Variants in DRC11 observed in about 807,000 individuals in gnomAD.
DRC11 encodes IQ and AAA domain-containing protein 1.
chr2:236,452,384 T>A, the DRC11 span, among the ~76,000 whole-genome samples: 175 of 152,308 alleles, frequency 1.1e-3, no homozygotes, highest in Non-Finnish European at 2.2e-3. The surrounding 1 kb of genome is among the most constrained non-coding windows in gnomAD (Gnocchi z 4.7). Flanking sequence ...TTTCATCAAG[T>A]ATGAAAAATA....
At chr2:236,476,030 T>G in the DRC11 span, among the ~76,000 whole-genome samples, 1 of 152,238 alleles carries the variant, frequency 6.6e-6, no homozygotes. This position sits in a 1 kb window ranked among gnomAD's most constrained non-coding sequence, Gnocchi z 4.7. Flanking sequence ...CTTTGTTCTT[T>G]TTGCTCAGGA....
chr2:236,358,148 GATATATACTATATGAATATATAAT>G, the DRC11 span, among the ~76,000 whole-genome samples: 1 of 118,486 alleles, frequency 8.4e-6, no homozygotes, highest in Non-Finnish European at 1.6e-5. Context: ...TATATAAATA[GATATATACTATATGAATATATAAT>G]ATATATACTC....
the DRC11 span, among the ~76,000 whole-genome samples, chr2:236,308,061 G>A: frequency 2.6e-5 from 4 of 151,856 alleles, no homozygotes; most frequent in African/African-American, 4.9e-5. This position sits in a 1 kb window ranked among gnomAD's most constrained non-coding sequence, Gnocchi z 6.0. Flanking sequence ...TTGCAGTGAC[G>A]CAGGCGTCCT....
chr2:236,481,919 C>T, the DRC11 span, among the ~76,000 whole-genome samples: 3 of 148,250 alleles, frequency 2.0e-5, no homozygotes, highest in Non-Finnish European at 3.0e-5. Context: ...TATAATTCTA[C>T]ATATTATATG....
chr2:236,388,632 T>G, the DRC11 span, among the ~76,000 whole-genome samples: 1 of 148,890 alleles, frequency 6.7e-6, no homozygotes, highest in African/African-American at 2.5e-5. Context: ...TCAGAGTAAT[T>G]TGATCGTCTG....
the DRC11 span, among the ~76,000 whole-genome samples, chr2:236,319,350 G>A: frequency 1.3e-5 from 2 of 152,246 alleles, no homozygotes; most frequent in Non-Finnish European, 2.9e-5. This position sits in a 1 kb window ranked among gnomAD's most constrained non-coding sequence, Gnocchi z 6.7. Context: ...GGAGAACGCT[G>A]TGTGCTGAGC....
chr2:236,326,664 A>G, the DRC11 span, among the ~76,000 whole-genome samples: 2 of 151,674 alleles, frequency 1.3e-5, no homozygotes, highest in African/African-American at 2.4e-5. Flanking sequence ...TGTTCTGTGC[A>G]TTTCTAATGG....
the DRC11 span, among the ~76,000 whole-genome samples, chr2:236,357,032 T>TATTC: frequency 7.2e-5 from 7 of 97,882 alleles, 1 homozygote; most frequent in Non-Finnish European, 1.6e-4. Context: ...TCTATATATT[T>TATTC]ATATATTCAT....
the DRC11 span, among the ~76,000 whole-genome samples, chr2:236,499,475 C>T: frequency 6.6e-6 from 1 of 152,220 alleles, no homozygotes; most frequent in Non-Finnish European, 1.5e-5. This position sits in a 1 kb window ranked among gnomAD's most constrained non-coding sequence, Gnocchi z 4.7. Flanking sequence ...GTCACCCAGC[C>T]CAGAGTGCAG....
the DRC11 span, among the ~76,000 whole-genome samples, chr2:236,437,330 C>G: frequency 1.4e-5 from 2 of 142,816 alleles, no homozygotes; most frequent in African/African-American, 2.7e-5. Flanking sequence ...TTTTCTTAAT[C>G]CAGTCTATCA....
chr2:236,407,986 T>C, the DRC11 span: 3 of 545,918 alleles, frequency 5.5e-6, no homozygotes, highest in Admixed American at 1.9e-5. Flanking sequence ...AAGGTCAGTC[T>C]TCTCCAGAGC....
chr2:236,460,510 T>A, the DRC11 span, among the ~76,000 whole-genome samples: 1 of 152,210 alleles, frequency 6.6e-6, no homozygotes, highest in Non-Finnish European at 1.5e-5. The surrounding 1 kb of genome is among the most constrained non-coding windows in gnomAD (Gnocchi z 4.0). Context: ...TACTCATTGA[T>A]GTTTCTAAAA....
the DRC11 span, chr2:236,465,570 C>G: frequency 2.5e-6 from 4 of 1,614,028 alleles, no homozygotes; most frequent in Admixed American, 3.3e-5. This position sits in a 1 kb window ranked among gnomAD's most constrained non-coding sequence, Gnocchi z 6.2. Context: ...CGCCTTCTAT[C>G]AACTTTAGGT....
chr2:236,506,367 T>A, the DRC11 span, among the ~76,000 whole-genome samples: 16,770 of 152,240 alleles, frequency 0.11, 2,204 homozygotes, highest in African/African-American at 0.31. The surrounding 1 kb of genome is among the most constrained non-coding windows in gnomAD (Gnocchi z 4.9). Flanking sequence ...CTGAATATTT[T>A]AATTGCCTAT....
the DRC11 span, among the ~76,000 whole-genome samples, chr2:236,448,248 G>A: frequency 0.037 from 5,589 of 152,148 alleles, 245 homozygotes; most frequent in East Asian, 0.15. The surrounding 1 kb of genome is among the most constrained non-coding windows in gnomAD (Gnocchi z 5.3). Context: ...AAGATGAGAG[G>A]GAAATTATTT....
the DRC11 span, among the ~76,000 whole-genome samples, chr2:236,422,203 C>T: frequency 6.6e-6 from 1 of 152,126 alleles, no homozygotes; most frequent in African/African-American, 2.4e-5. Flanking sequence ...GAAGTTCTGG[C>T]CAGGGCAATT....
At chr2:236,428,133 G>A in the DRC11 span, among the ~76,000 whole-genome samples, 1 of 152,066 alleles carries the variant, frequency 6.6e-6, no homozygotes, top group Non-Finnish European at 1.5e-5. Flanking sequence ...AATTTGTTAA[G>A]GCTTGTTTTG....
the DRC11 span, among the ~76,000 whole-genome samples, chr2:236,388,766 T>C: frequency 1.4e-5 from 2 of 145,052 alleles, no homozygotes; most frequent in Non-Finnish European, 3.1e-5. Context: ...AGTTTTTCTG[T>C]TCTGTTTTTT....
the DRC11 span, among the ~76,000 whole-genome samples, chr2:236,413,865 C>G: frequency 2.0e-5 from 3 of 152,204 alleles, no homozygotes; most frequent in Non-Finnish European, 4.4e-5. This position sits in a 1 kb window ranked among gnomAD's most constrained non-coding sequence, Gnocchi z 4.0. Flanking sequence ...GCATAGTGCT[C>G]TATTACTGCG....
Sources: gnomAD v4.1 joint callset for allele counts (sites outside exome capture counted in the v4.1 genomes callset) on GRCh38, gnomAD v4.1.1 for gene constraint, Gnocchi (gnomAD v3.1) non-coding constraint, MANE v1.5 for transcripts, NCBI Gene and HGNC (gene_info 2026-07-23, HGNC 2026-07-21) for gene names.